Variants in FOXN3 observed in about 807,000 individuals in gnomAD.
FOXN3 encodes the protein forkhead box N3.
FOXN3 carries 7 observed loss-of-function variants against 38.4 expected under a neutral mutation model. The ratio of observed to expected loss-of-function variants is 0.18; its 90% CI spans 0.10 to 0.34. FOXN3 has a LOEUF of 0.34. FOXN3 is among the 10% of genes least tolerant of loss of function. The probability of loss-of-function intolerance (pLI) is 1.00; values close to 1 mark genes in which losing one functional copy is unlikely to be tolerated. For missense variants in FOXN3, 456 were observed against 613.4 expected (o/e 0.74, Z 2.71); for synonymous variants, 230 against 242.2 (o/e 0.95, Z 0.47).
At chr14:89,452,354 A>G (rs778101402) in intron 1 of FOXN3, among the ~76,000 whole-genome samples, 1 of 152,112 alleles carries the variant, frequency 6.6e-6, no homozygotes, top group Non-Finnish European at 1.5e-5. Context: ...CTGCTGTGGG[A>G]AGGTTCCCTC....
intron 1 of FOXN3, among the ~76,000 whole-genome samples, chr14:89,558,073 C>G (rs1184828793): frequency 6.6e-6 from 1 of 152,088 alleles, no homozygotes; most frequent in Admixed American, 6.5e-5. Context: ...GAAGCAAATA[C>G]AGACAAAACT....
At chr14:89,333,166 A>G (rs1171712001) in intron 3 of FOXN3, 1 of 162,320 alleles carries the variant, frequency 6.2e-6, no homozygotes, top group Non-Finnish European at 1.4e-5. Flanking sequence ...TCGGTGGCTC[A>G]CGCCTGTAAT....
At chr14:89,251,494 G>C (rs1035853927) in intron 4 of FOXN3, among the ~76,000 whole-genome samples, 2 of 152,206 alleles carry the variant, frequency 1.3e-5, no homozygotes, top group African/African-American at 2.4e-5. Context: ...ATAAACATAT[G>C]TTAACCAATC....
At chr14:89,430,899 T>C (rs533803890) in intron 1 of FOXN3, among the ~76,000 whole-genome samples, 1 of 152,296 alleles carries the variant, frequency 6.6e-6, no homozygotes, top group South Asian at 2.1e-4. Context: ...AAATGAATGG[T>C]CTTGGGCCGG....
rs151150407 is a variant in FOXN3, at chr14:89,596,442, T to C, written c.-15+22586A>G. Among the ~76,000 whole-genome samples, 831 of 152,256 alleles carry C rather than the reference T, an allele frequency of 5.5e-3. 5 individuals carry two copies. The highest frequency in any genetic ancestry group is 6.3e-3 in the Non-Finnish European group (426 of 68,012). On this transcript the variant is annotated intron_variant, in intron 1 of 6. Transcript: ENST00000345097. ...GTGAGACACTGTGCCCGGCCTTGTT[T>C]AGGATTTTAAAATTTATATTCATGA...
intron 1 of FOXN3, among the ~76,000 whole-genome samples, chr14:89,455,913 A>T (rs552561247): frequency 6.6e-6 from 1 of 152,322 alleles, no homozygotes; most frequent in East Asian, 1.9e-4. Context: ...AAGTAACCAC[A>T]GGCCAGGCGC....
intron 1 of FOXN3, among the ~76,000 whole-genome samples, chr14:89,508,982 C>G (rs776642480): frequency 6.6e-6 from 1 of 152,208 alleles, no homozygotes; most frequent in African/African-American, 2.4e-5. Context: ...TATCACCTCC[C>G]TGGACACCCT....
intron 4 of FOXN3, among the ~76,000 whole-genome samples, chr14:89,279,312 G>A (rs937114161): frequency 6.6e-6 from 1 of 152,128 alleles, no homozygotes; most frequent in African/African-American, 2.4e-5. Flanking sequence ...TACACCCGCA[G>A]GATAATCTCA....
At chr14:89,360,563 G>GGAGAGAGAGA (rs59817818) in intron 2 of FOXN3, among the ~76,000 whole-genome samples, 3 of 139,914 alleles carry the variant, frequency 2.1e-5, no homozygotes, top group Non-Finnish European at 3.1e-5. Context: ...AAGGAGGTGA[G>GGAGAGAGAGA]GAGAGAGAGA....
At chr14:89,422,164 A>T (rs1218387249), upstream of FOXN3, among the ~76,000 whole-genome samples, 1 of 152,186 alleles carries the variant, frequency 6.6e-6, no homozygotes, top group African/African-American at 2.4e-5. Flanking sequence ...AAGCCACCGC[A>T]CCTGGCCCAT....
At chr14:89,387,066 G>A (rs1036216455) in intron 2 of FOXN3, among the ~76,000 whole-genome samples, 11 of 152,142 alleles carry the variant, frequency 7.2e-5, no homozygotes, top group Admixed American at 6.6e-5. Flanking sequence ...AGACCAGCCT[G>A]GCCAACATGG....
intron 2 of FOXN3, among the ~76,000 whole-genome samples, chr14:89,383,703 G>A (rs935383233): frequency 2.0e-5 from 3 of 152,078 alleles, no homozygotes; most frequent in South Asian, 4.1e-4. Context: ...CGTAAGGGAC[G>A]CTAGTCAATG....
intron 1 of FOXN3, among the ~76,000 whole-genome samples, chr14:89,436,259 G>T (rs1010500737): frequency 1.4e-5 from 2 of 142,938 alleles, no homozygotes; most frequent in African/African-American, 5.2e-5. Flanking sequence ...TGGTTTTATA[G>T]CCCTGGCCAG....
At chr14:89,568,342 C>T (rs1895410307) in intron 1 of FOXN3, among the ~76,000 whole-genome samples, 1 of 152,064 alleles carries the variant, frequency 6.6e-6, no homozygotes, top group Non-Finnish European at 1.5e-5. Context: ...CTGACCATGC[C>T]ACTCTCATGC....
In FOXN3 at chr14:89,412,239, C is replaced by A; in HGVS notation, c.238G>T (p.Val80Phe). Residue 80 changes from valine to phenylalanine, a missense_variant, in exon 2 of 6, where the codon GTC becomes TTC. This residue lies in a region of FOXN3 where 11 missense variants were observed against 39.2 expected (regional missense o/e 0.28). Transcript: ENST00000557258. This position sits in a 1 kb window ranked among gnomAD's most constrained non-coding sequence, Gnocchi z 4.7. ...TGGACGGGGCTGACACTCCTGAGGA[C>A]CGACTCCCCAAAGCTCTTCAGCAAG... ...KNLLKSFGES[V>F]LRSVSPVQDL... The A allele has an allele frequency of 6.2e-7, 1 of 1,614,068 alleles. No individual in the cohort carries two copies. The highest frequency in any genetic ancestry group is 8.5e-7 in the Non-Finnish European group (1 of 1,180,026).
At chr14:89,313,822 GAT>G (rs1446851254) in intron 3 of FOXN3, among the ~76,000 whole-genome samples, 1 of 152,212 alleles carries the variant, frequency 6.6e-6, no homozygotes, top group Non-Finnish European at 1.5e-5. Context: ...CAAAAGTACT[GAT>G]ACATGCTACA....
intron 2 of FOXN3, among the ~76,000 whole-genome samples, chr14:89,376,321 TA>T (rs1566971810): frequency 1.3e-5 from 2 of 152,206 alleles, no homozygotes; most frequent in Non-Finnish European, 2.9e-5. Context: ...TAATTGATTA[TA>T]AAACAACTGA....
At chr14:89,522,067 G>A (rs1894331802) in intron 1 of FOXN3, among the ~76,000 whole-genome samples, 1 of 151,510 alleles carries the variant, frequency 6.6e-6, no homozygotes, top group Admixed American at 6.6e-5. Flanking sequence ...CAAAGATAAT[G>A]GTAGATTTCT....
At chr14:89,502,076 G>A (rs1406799936) in intron 1 of FOXN3, among the ~76,000 whole-genome samples, 6 of 152,158 alleles carry the variant, frequency 3.9e-5, no homozygotes, top group African/African-American at 7.2e-5. Context: ...GCCTAAGCAG[G>A]GGAATCGCTT....
Sources: allele counts gnomAD v4.1 joint callset (sites outside exome capture counted in the v4.1 genomes callset), GRCh38; gene constraint gnomAD v4.1.1; regional missense constraint gnomAD v4.1.1; non-coding constraint Gnocchi (gnomAD v3.1); transcripts MANE v1.5; gene names NCBI Gene and HGNC (gene_info 2026-07-23, HGNC 2026-07-21).